Variants in MIR2052HG observed in about 807,000 individuals in gnomAD.
MIR2052HG encodes MIR2052 host gene.
intron 2 of MIR2052HG, among the ~76,000 whole-genome samples, chr8:74,675,511 G>A (rs1029999292): frequency 2.6e-5 from 4 of 151,980 alleles, no homozygotes; most frequent in African/African-American, 7.2e-5. Context: ...TATAGGGAGT[G>A]GGGGGTCCTG....
intron 4 of MIR2052HG, among the ~76,000 whole-genome samples, chr8:74,724,766 T>C (rs937379076): frequency 2.6e-5 from 4 of 152,226 alleles, no homozygotes; most frequent in Non-Finnish European, 5.9e-5. Context: ...TTTATTTTGA[T>C]TAGTCAAGCT....
At chr8:74,689,056 C>G (rs1809212953) in intron 2 of MIR2052HG, among the ~76,000 whole-genome samples, 1 of 152,106 alleles carries the variant, frequency 6.6e-6, no homozygotes, top group Non-Finnish European at 1.5e-5. Flanking sequence ...GAGAGTTTTG[C>G]TTTTCCTTGA....
At chr8:74,749,417 C>T (rs1563546025) in intron 4 of MIR2052HG, among the ~76,000 whole-genome samples, 1 of 151,632 alleles carries the variant, frequency 6.6e-6, no homozygotes, top group South Asian at 2.1e-4. Context: ...AAAAACAAAA[C>T]TTGTAGTGCC....
At chr8:74,721,975 T>A (rs928243756) in intron 4 of MIR2052HG, among the ~76,000 whole-genome samples, 3 of 152,178 alleles carry the variant, frequency 2.0e-5, no homozygotes, top group Non-Finnish European at 2.9e-5. Context: ...GGAGGACTGC[T>A]TGAGCCCAGG....
rs142384629 is a variant in MIR2052HG at position 74,641,053 on chromosome 8, G to T, written n.216+28113G>T. 4.3e-3 allele frequency among the ~76,000 whole-genome samples: 654 copies of T among 152,248 alleles called. 9 individuals carry two copies. Among genetic ancestry groups the T allele is most frequent in the African/African-American group, 0.015 (605 of 41,548 alleles). On this transcript the variant is annotated intron_variant and non_coding_transcript_variant, in intron 2 of 6. Coordinates refer to ENST00000523442, the Ensembl canonical transcript of MIR2052HG. ...GATGGGTACTTTTTAATGGTGTTAA[G>T]TATAAATGAAATGCAAAGGGTGAGT...
intron 2 of MIR2052HG, among the ~76,000 whole-genome samples, chr8:74,616,559 A>G (rs1808285256): frequency 6.6e-6 from 1 of 151,832 alleles, no homozygotes. Flanking sequence ...ATGTTTATAT[A>G]ATTGCAGTAT....
At chr8:74,742,529 G>A (rs180976580) in intron 4 of MIR2052HG, among the ~76,000 whole-genome samples, 7 of 152,068 alleles carry the variant, frequency 4.6e-5, no homozygotes, top group African/African-American at 1.7e-4. Context: ...ATAATTAGGT[G>A]ACAAATGTAT....
intron 2 of MIR2052HG, among the ~76,000 whole-genome samples, chr8:74,694,484 C>T (rs758883721): frequency 6.6e-6 from 1 of 152,092 alleles, no homozygotes; most frequent in Non-Finnish European, 1.5e-5. Context: ...ACATAGCTCA[C>T]CAGCAATGGA....
chr8:74,666,840 C>A (rs546005540), intron 2 of MIR2052HG, among the ~76,000 whole-genome samples: 1 of 152,176 alleles, frequency 6.6e-6, no homozygotes, highest in Non-Finnish European at 1.5e-5. Flanking sequence ...CATGGTCCTG[C>A]GTGTCTGCTG....
At chr8:74,653,061 TC>T in intron 2 of MIR2052HG, among the ~76,000 whole-genome samples, 3 of 152,322 alleles carry the variant, frequency 2.0e-5, no homozygotes, top group Admixed American at 2.0e-4. Flanking sequence ...AACTTTTTTT[TC>T]CCCCTTTTCC....
At chr8:74,670,248 T>C (rs184666401) in intron 2 of MIR2052HG, among the ~76,000 whole-genome samples, 50 of 149,754 alleles carry the variant, frequency 3.3e-4, no homozygotes, top group African/African-American at 1.2e-3. Context: ...CTCACTGCTA[T>C]ATCTCCAGTG....
intron 2 of MIR2052HG, among the ~76,000 whole-genome samples, chr8:74,680,862 A>T (rs1195711779): frequency 6.6e-6 from 1 of 151,608 alleles, no homozygotes; most frequent in Non-Finnish European, 1.5e-5. Flanking sequence ...GCACATATAC[A>T]CCATGGAATA....
At chr8:74,628,716 G>A (rs1363112999) in intron 2 of MIR2052HG, 1 of 152,204 alleles carries the variant, frequency 6.6e-6, no homozygotes, top group Non-Finnish European at 1.5e-5. Flanking sequence ...TCAGTAGTAG[G>A]ATAAAGAAGG....
At chr8:74,680,776 C>T (rs1350597829) in intron 2 of MIR2052HG, among the ~76,000 whole-genome samples, 5 of 151,674 alleles carry the variant, frequency 3.3e-5, no homozygotes, top group South Asian at 2.1e-4. Context: ...ATGTTTATTG[C>T]GGCATTATTC....
intron 2 of MIR2052HG, among the ~76,000 whole-genome samples, chr8:74,684,488 T>C (rs1169819716): frequency 6.6e-6 from 1 of 152,050 alleles, no homozygotes; most frequent in Non-Finnish European, 1.5e-5. Flanking sequence ...AATATATATG[T>C]GTAAAGTATA....
intron 2 of MIR2052HG, among the ~76,000 whole-genome samples, chr8:74,647,881 A>T (rs1808706182): frequency 3.9e-5 from 6 of 152,122 alleles, no homozygotes; most frequent in Admixed American, 3.9e-4. Context: ...TATTCTTATA[A>T]TTTCTTATGC....
At chr8:74,757,392 C>T (rs1469113677) in intron 5 of MIR2052HG, 1 of 152,220 alleles carries the variant, frequency 6.6e-6, no homozygotes, top group Non-Finnish European at 1.5e-5. Flanking sequence ...TGGGCATCTG[C>T]ATCTGAGAAG....
At chr8:74,747,747 G>T (rs1373199956) in intron 4 of MIR2052HG, among the ~76,000 whole-genome samples, 1 of 152,098 alleles carries the variant, frequency 6.6e-6, no homozygotes, top group Non-Finnish European at 1.5e-5. Flanking sequence ...TTCTAATTTG[G>T]AAGACAATGT....
chr8:74,661,782 CAG>C (rs1418767169), intron 2 of MIR2052HG, among the ~76,000 whole-genome samples: 10 of 152,220 alleles, frequency 6.6e-5, no homozygotes, highest in Admixed American at 2.0e-4. Context: ...GACTGAGAAA[CAG>C]AGCTAGGTAT....
Sources: gnomAD v4.1 joint callset for allele counts (sites outside exome capture counted in the v4.1 genomes callset) on GRCh38, gnomAD v4.1.1 for gene constraint, MANE v1.5 for transcripts, NCBI Gene and HGNC (gene_info 2026-07-23, HGNC 2026-07-21) for gene names.